EDIL3: variants seen among roughly 807,000 people sequenced by gnomAD.
EDIL3 encodes the protein EGF-like repeat and discoidin I-like domain-containing protein 3.
In EDIL3, 37 loss-of-function variants were observed where a neutral mutation model predicts 67.4. That is an observed-to-expected ratio of 0.55 (90% CI 0.42 to 0.72). The LOEUF (loss-of-function observed/expected upper bound fraction) is 0.72. Among genes scored for constraint, EDIL3 ranks in the 30% least tolerant of loss-of-function variants. The pLI is 0.00. For missense variants in EDIL3, 527 were observed against 586.3 expected, an observed-to-expected ratio of 0.90 and a Z score of 1.04; for synonymous variants, 195 against 196.3, an observed-to-expected ratio of 0.99 and a Z score of 0.05.
At chr5:83,964,714 G>C (rs1184684275) in intron 9 of EDIL3, among the ~76,000 whole-genome samples, 2 of 152,064 alleles carry the variant, frequency 1.3e-5, no homozygotes, top group Non-Finnish European at 2.9e-5. Context: ...TTTGGAGCAT[G>C]TGTTAAAGCC....
At chr5:84,101,111 C>A (rs942771654) in intron 6 of EDIL3, among the ~76,000 whole-genome samples, 1 of 152,016 alleles carries the variant, frequency 6.6e-6, no homozygotes, top group Non-Finnish European at 1.5e-5. Flanking sequence ...ACTACATATC[C>A]TCCAATGGTA....
At chr5:84,342,610 C>A (rs189436540) in intron 1 of EDIL3, among the ~76,000 whole-genome samples, 31 of 151,934 alleles carry the variant, frequency 2.0e-4, no homozygotes, top group African/African-American at 6.5e-4. Context: ...TTCCTTATAC[C>A]ATCCTTGAGT....
At chr5:83,988,217 A>T (rs1021352172) in intron 9 of EDIL3, among the ~76,000 whole-genome samples, 1 of 152,144 alleles carries the variant, frequency 6.6e-6, no homozygotes. Flanking sequence ...ATTTCAAGTG[A>T]TTTATGTGCT....
intron 4 of EDIL3, among the ~76,000 whole-genome samples, chr5:84,172,091 A>G (rs551865440): frequency 6.6e-6 from 1 of 152,264 alleles, no homozygotes; most frequent in South Asian, 2.1e-4. Flanking sequence ...CCCTTAGTTT[A>G]CAGAGTTAAG....
At chr5:84,201,768 C>T (rs347351) in intron 3 of EDIL3, among the ~76,000 whole-genome samples, 133,676 of 152,114 alleles carry the variant, frequency 0.88, 58,905 homozygotes, top group East Asian at 0.95. Context: ...AACATAACTG[C>T]GAAATAGAAT....
chr5:84,083,511 A>T (rs1368917454), intron 6 of EDIL3, among the ~76,000 whole-genome samples: 1 of 152,088 alleles, frequency 6.6e-6, no homozygotes, highest in African/African-American at 2.4e-5. Flanking sequence ...ACAGTTGATG[A>T]CTCTAGCCAA....
chr5:84,284,291 T>A (rs146402470), intron 1 of EDIL3, among the ~76,000 whole-genome samples: 520 of 152,266 alleles, frequency 3.4e-3, no homozygotes, highest in African/African-American at 0.011. Flanking sequence ...ATCTCTTCAT[T>A]GTGAAGTGAC....
At position 83,943,521 on chromosome 5, in the gene EDIL3, G is replaced by A. The variant is rs747340278; in HGVS notation, c.1341C>T (p.Ile447=). The change falls in exon 11 of 11, where the codon ATC becomes ATT. Residue 447 remains isoleucine, a synonymous_variant. Transcript: ENST00000296591. ...FDNDTHRKNV[I]DPPIYARHIR... is the part of the protein sequence containing the mutation. The stretch of plus-strand genomic sequence containing the variant: ...TGTGTCGTGCATAGATGGGAGGGTC[G>A]ATGACATTTTTTCTGTGAGTGTCAT... 4 of 1,612,432 alleles carry A rather than the reference G, an allele frequency of 2.5e-6. No homozygotes were observed. The highest frequency in any genetic ancestry group is 1.3e-5 in the African/African-American group (1 of 74,904).
chr5:84,161,235 T>G (rs958941100), intron 4 of EDIL3, among the ~76,000 whole-genome samples: 7 of 152,080 alleles, frequency 4.6e-5, no homozygotes, highest in Admixed American at 1.3e-4. Flanking sequence ...CTTTATCTAC[T>G]CATTGATTGA....
chr5:84,364,280 C>A (rs1747682468), intron 1 of EDIL3, among the ~76,000 whole-genome samples: 1 of 152,040 alleles, frequency 6.6e-6, no homozygotes, highest in East Asian at 1.9e-4. Context: ...TCTATTTTTG[C>A]CAAATAAGGG....
intron 10 of EDIL3, 37 bp from the exon 11 acceptor site, chr5:83,943,605 C>A (rs1210779822): frequency 8.1e-6 from 13 of 1,595,284 alleles, no homozygotes; most frequent in Non-Finnish European, 8.6e-6. Context: ...AGTCACACAG[C>A]CTTCTTTCTT....
chr5:84,334,063 G>C lies in EDIL3; in HGVS notation c.67+50245C>G, dbSNP rs542916449. Among the ~76,000 whole-genome samples, 4 of 132,602 alleles carry C rather than the reference G, an allele frequency of 3.0e-5. No individual in the cohort carries two copies. The Admixed American group carries it at 3.0e-4, about 10-fold the overall frequency. The allele number at this position is 132,602 out of a possible 152,430, so 87.0% of individuals were successfully genotyped here. A position where few individuals can be genotyped will look rare whatever the true frequency, so the allele number is the denominator to read the frequency against. On this transcript the variant is annotated intron_variant, in intron 1 of 10. Transcript: ENST00000296591. ...CCTTACACAGGGGCCATGTGGAAGAGTTGATTTTTTTTTTTTTTTTGAGAT... is the reference window on the plus strand; with the variant it reads ...CCTTACACAGGGGCCATGTGGAAGACTTGATTTTTTTTTTTTTTTTGAGAT...
At chr5:84,279,901 A>G (rs1333634620) in intron 1 of EDIL3, among the ~76,000 whole-genome samples, 1 of 152,154 alleles carries the variant, frequency 6.6e-6, no homozygotes, top group Non-Finnish European at 1.5e-5. Context: ...TGATACACCC[A>G]GTACTTAATC....
chr5:84,189,340 A>T (rs1451416174), intron 3 of EDIL3, among the ~76,000 whole-genome samples: 1 of 151,946 alleles, frequency 6.6e-6, no homozygotes, highest in African/African-American at 2.4e-5. Context: ...ATCCACTTAA[A>T]CTATTGTTTA....
intron 6 of EDIL3, among the ~76,000 whole-genome samples, chr5:84,089,307 T>C (rs1193263134): frequency 6.6e-6 from 1 of 151,622 alleles, no homozygotes; most frequent in Non-Finnish European, 1.5e-5. Flanking sequence ...CTTATCAGGA[T>C]TTTTCTCCAA....
At chr5:84,262,242 G>A (rs1580039848) in intron 1 of EDIL3, among the ~76,000 whole-genome samples, 1 of 152,100 alleles carries the variant, frequency 6.6e-6, no homozygotes, top group East Asian at 1.9e-4. Flanking sequence ...CAGAATCTCT[G>A]GGGATGGTTC....
At chr5:84,235,102 A>C (rs947626844) in intron 2 of EDIL3, among the ~76,000 whole-genome samples, 2 of 152,134 alleles carry the variant, frequency 1.3e-5, no homozygotes, top group Non-Finnish European at 2.9e-5. Context: ...AGAAGTACTG[A>C]GAGAGAGGTT....
chr5:84,301,562 G>C (rs918923186), intron 1 of EDIL3, among the ~76,000 whole-genome samples: 4 of 152,164 alleles, frequency 2.6e-5, no homozygotes, highest in Non-Finnish European at 4.4e-5. Flanking sequence ...AAGTATGTCA[G>C]CCTCCATCTT....
intron 9 of EDIL3, among the ~76,000 whole-genome samples, chr5:84,002,513 G>T (rs1745348625): frequency 1.3e-5 from 2 of 152,132 alleles, no homozygotes; most frequent in African/African-American, 4.8e-5. Flanking sequence ...GTTTGCAAAT[G>T]ATATGTTATT....
Sources: gnomAD v4.1 joint callset for allele counts (sites outside exome capture counted in the v4.1 genomes callset) on GRCh38, gnomAD v4.1.1 for gene constraint, MANE v1.5 for transcripts, NCBI Gene and HGNC (gene_info 2026-07-23, HGNC 2026-07-21) for gene names.